Variants in KIF6 observed in about 807,000 individuals in gnomAD.
The protein encoded by KIF6 is kinesin family member 6, also known as kinesin-like protein KIF6.
In KIF6, 106 loss-of-function variants were observed where a neutral mutation model predicts 112.7. The ratio of observed to expected loss-of-function variants is 0.94; its 90% CI spans 0.80 to 1.11. The LOEUF (loss-of-function observed/expected upper bound fraction) is 1.11, where lower values mean the gene tolerates loss of function less well. Ranked by LOEUF, KIF6 falls within the 50% of genes least tolerant of loss-of-function variation. The probability of loss-of-function intolerance (pLI) is 0.00; values close to 1 mark genes in which losing one functional copy is unlikely to be tolerated. For synonymous variants in KIF6, 339 were observed against 339.9 expected (o/e 1.00, Z 0.03); for missense variants, 929 against 964.0 (o/e 0.96, Z 0.48).
intron 5 of KIF6, among the ~76,000 whole-genome samples, chr6:39,615,185 T>A (rs115227912): frequency 0.15 from 22,449 of 149,634 alleles, 1,890 homozygotes; most frequent in Admixed American, 0.24. Context: ...AAAAAAAAAA[T>A]AACTACATAA....
intron 3 of KIF6, among the ~76,000 whole-genome samples, chr6:39,689,505 G>GTAA (rs112419136): frequency 2.1e-4 from 32 of 151,666 alleles, no homozygotes; most frequent in South Asian, 1.5e-3. Flanking sequence ...TCAAAAAATA[G>GTAA]TAATAATAAT....
At position 39,572,658 on chromosome 6, in the gene KIF6, G is replaced by C. The variant is rs1324020237; in HGVS notation, c.1181+5398C>G. On this transcript the variant is annotated intron_variant, in intron 10 of 22. Transcript: ENST00000287152. ...TCCAAGCCTAGCCAAAGATCTACAG[G>C]CTTTTTTTTTTTTTTTTTTTTTTAC... Among the ~76,000 whole-genome samples, 4 of 113,312 alleles carry C rather than the reference G, an allele frequency of 3.5e-5. No homozygotes were observed. In the South Asian group the frequency reaches 8.7e-4, roughly 25 times the overall value. 74.3% of individuals were successfully genotyped at this position (113,312 alleles called of 152,430 possible).
At chr6:39,595,306 A>C (rs1561847196) in intron 7 of KIF6, among the ~76,000 whole-genome samples, 1 of 152,252 alleles carries the variant, frequency 6.6e-6, no homozygotes, top group South Asian at 2.1e-4. Flanking sequence ...ACAAAAAGTG[A>C]AAAAAGGTAT....
At chr6:39,456,912 A>G (rs1163182199) in intron 13 of KIF6, among the ~76,000 whole-genome samples, 15 of 151,852 alleles carry the variant, frequency 9.9e-5, no homozygotes, top group Middle Eastern at 3.4e-3. Context: ...AGTCCCACAC[A>G]TTAATAATGG....
Position 39,655,767 on chromosome 6 carries a change from AATTT to A in KIF6, c.252-16014_252-16011del, listed in dbSNP as rs578246703. Among the ~76,000 whole-genome samples the A allele has an allele frequency of 1.9e-3, 282 of 152,276 alleles. 1 individual carries two copies. The highest frequency in any genetic ancestry group is 6.2e-3 in the African/African-American group (259 of 41,568). On this transcript the variant is annotated intron_variant, in intron 3 of 22. Coordinates refer to ENST00000287152, the MANE Select transcript of KIF6 (RefSeq NM_145027.6). ...TCTGAGCTAACCATTTTATCTCAAC[AATTT>A]ATTTGTTTATTGTCAATAAACAAAC...
intron 3 of KIF6, among the ~76,000 whole-genome samples, chr6:39,684,473 G>A (rs1482231320): frequency 1.3e-5 from 2 of 152,006 alleles, no homozygotes; most frequent in Non-Finnish European, 2.9e-5. Context: ...AAATTAGCTG[G>A]GCATGGTGAC....
At chr6:39,611,732 T>C (rs1260134334) in intron 6 of KIF6, among the ~76,000 whole-genome samples, 1 of 152,214 alleles carries the variant, frequency 6.6e-6, no homozygotes, top group East Asian at 1.9e-4. Context: ...CCTCGTTTGC[T>C]GTTTATTAAA....
In KIF6 at chr6:39,374,761, C is replaced by T. The variant is rs147393410; in HGVS notation, c.1861+10861G>A. Among the ~76,000 whole-genome samples, 18 of 152,318 alleles carry T rather than the reference C, an allele frequency of 1.2e-4. No individual in the cohort carries two copies. In the East Asian group the frequency reaches 2.7e-3, roughly 23 times the overall value. On this transcript the variant is annotated intron_variant, in intron 16 of 22. Coordinates refer to ENST00000287152, the MANE Select transcript of KIF6 (RefSeq NM_145027.6). ...ATGTGGAGAAAAGAGAACCCTTGTACACTGTTGGTGGAAATGTAAATTGGT... is the reference window on the plus strand; with the variant it reads ...ATGTGGAGAAAAGAGAACCCTTGTATACTGTTGGTGGAAATGTAAATTGGT...
intron 1 of KIF6, among the ~76,000 whole-genome samples, chr6:39,724,992 C>CA (rs534304155): frequency 2.0e-3 from 299 of 151,910 alleles, no homozygotes; most frequent in African/African-American, 6.8e-3. Context: ...TGCCTGGGTG[C>CA]AAAAAAAATG....
intron 13 of KIF6, among the ~76,000 whole-genome samples, chr6:39,481,252 G>A (rs1323650777): frequency 3.3e-5 from 5 of 152,126 alleles, no homozygotes; most frequent in Non-Finnish European, 5.9e-5. Context: ...ATGATGGGAG[G>A]TGTGTAGAGT....
intron 18 of KIF6, among the ~76,000 whole-genome samples, chr6:39,359,664 C>T (rs1168368020): frequency 1.3e-5 from 2 of 152,176 alleles, no homozygotes; most frequent in Admixed American, 1.3e-4. Context: ...CTGCTCACTG[C>T]AGCCTCGACC....
intron 19 of KIF6, among the ~76,000 whole-genome samples, chr6:39,346,747 G>C (rs1045883149): frequency 2.6e-5 from 4 of 152,070 alleles, no homozygotes; most frequent in African/African-American, 4.8e-5. Context: ...TCCTGGGTTT[G>C]AGCAATCCTT....
At chr6:39,435,670 C>T (rs543966864) in intron 13 of KIF6, among the ~76,000 whole-genome samples, 1 of 152,106 alleles carries the variant, frequency 6.6e-6, no homozygotes, top group Non-Finnish European at 1.5e-5. Flanking sequence ...GGATAATGGC[C>T]TCCAGTTTCA....
rs1203700665 is a variant in KIF6, at chr6:39,346,049, GCTCTCT to G, written c.2232-266_2232-261del. Among the ~76,000 whole-genome samples the G allele has an allele frequency of 3.1e-4, 9 of 29,002 alleles. No homozygotes were observed. In the South Asian group the frequency reaches 7.8e-3, roughly 25 times the overall value. 19.0% of individuals were successfully genotyped at this position (29,002 alleles called of 152,430 possible). A position where few individuals can be genotyped will look rare whatever the true frequency, so the allele number is the denominator to read the frequency against. On this transcript the variant is annotated intron_variant, in intron 20 of 22. Coordinates refer to ENST00000287152, the MANE Select transcript of KIF6 (RefSeq NM_145027.6). ...TAAGAGGAGGATGAGAAACTACAGT[GCTCTCT>G]CTCTCTCTCTCTCTCTCTCTCTCTC...
At chr6:39,682,124 A>G (rs142918471) in intron 3 of KIF6, among the ~76,000 whole-genome samples, 2 of 152,344 alleles carry the variant, frequency 1.3e-5, no homozygotes, top group East Asian at 1.9e-4. Context: ...GAACTTATGT[A>G]TGAATCGGGG....
At chr6:39,714,464 T>C (rs1218181421) in intron 3 of KIF6, among the ~76,000 whole-genome samples, 3 of 152,190 alleles carry the variant, frequency 2.0e-5, no homozygotes, top group Non-Finnish European at 4.4e-5. Flanking sequence ...GGAGTAACAA[T>C]AGCTAGTCTA....
chr6:39,722,299 C>T (rs2113907728), intron 1 of KIF6, among the ~76,000 whole-genome samples: 1 of 152,282 alleles, frequency 6.6e-6, no homozygotes, highest in Non-Finnish European at 1.5e-5. Context: ...AATGACCCTC[C>T]ACTACTCTGA....
At chr6:39,566,062 T>C (rs1471309686) in intron 10 of KIF6, among the ~76,000 whole-genome samples, 1 of 152,196 alleles carries the variant, frequency 6.6e-6, no homozygotes, top group African/African-American at 2.4e-5. Flanking sequence ...ACATAACATT[T>C]ACAAGTCCCT....
At chr6:39,460,404 TG>T (rs1773391264) in intron 13 of KIF6, among the ~76,000 whole-genome samples, 1 of 127,708 alleles carries the variant, frequency 7.8e-6, no homozygotes, top group Admixed American at 7.9e-5. Flanking sequence ...GGGATAGCAT[TG>T]GGAGATATAC....
Sources: gnomAD v4.1 joint callset for allele counts (sites outside exome capture counted in the v4.1 genomes callset) on GRCh38, gnomAD v4.1.1 for gene constraint, MANE v1.5 for transcripts, NCBI Gene and HGNC (gene_info 2026-07-23, HGNC 2026-07-21) for gene names.